Variants in GTF3C1 observed in about 807,000 individuals in gnomAD.
The protein encoded by GTF3C1 is general transcription factor 3C polypeptide 1.
Under a neutral mutation model 226.7 loss-of-function variants are expected in GTF3C1, and 57 were observed. That is an observed-to-expected ratio of 0.25 (90% CI 0.20 to 0.31). The LOEUF (loss-of-function observed/expected upper bound fraction) is 0.31. GTF3C1 is among the 10% of genes least tolerant of loss of function. GTF3C1 has a pLI of 1.00. For missense variants in GTF3C1, 2,217 were observed against 2,776.1 expected (o/e 0.80, Z 4.53); for synonymous variants, 1,090 against 1,084.8 (o/e 1.00, Z -0.09).
intron 4 of GTF3C1, among the ~76,000 whole-genome samples, chr16:27,534,053 T>C (rs893482428): frequency 7.2e-5 from 11 of 152,180 alleles, no homozygotes; most frequent in African/African-American, 2.2e-4. Context: ...ATGGGGGTTA[T>C]TCTACAAAGT....
chr16:27,511,831 C>T lies in GTF3C1; in HGVS notation c.1044G>A (p.Glu348=), dbSNP rs1253802215. Residue 348 remains glutamate (E), a synonymous_variant, in exon 7 of 37, where the codon GAG becomes GAA. Coordinates refer to ENST00000356183, the MANE Select transcript of GTF3C1 (RefSeq NM_001520.4). The part of the protein sequence containing the change: ...EFKRNDHDDD[E]DEEVISKTVP... ...CTGTCTTGGAGATGACCTCCTCGTC[C>T]TCGTCATCATCATGGTCATTCCGTT... 6.2e-7 allele frequency: 1 copy of T among 1,614,168 alleles called. No individual in the cohort carries two copies. The highest frequency in any genetic ancestry group is 2.2e-5 in the East Asian group (1 of 44,880).
In GTF3C1 at chr16:27,489,024, C is replaced by T. The variant is rs374515252; in HGVS notation, c.3429+19G>A. 52 of 1,608,082 alleles carry T rather than the reference C, an allele frequency of 3.2e-5. No homozygotes were observed. In the Admixed American group the frequency reaches 3.7e-4, roughly 11 times the overall value. ...AGCGAGGACCCCTGAGATTGTAGTC[C>T]GGTGTGACGCACACCCACCTTTTTG... On this transcript the variant is annotated intron_variant, in intron 21 of 36. Coordinates refer to ENST00000356183, the MANE Select transcript of GTF3C1 (RefSeq NM_001520.4).
chr16:27,492,789 A>T lies in GTF3C1; in HGVS notation c.2877-76T>A, dbSNP rs1031210356. 12 of 845,138 alleles carry T rather than the reference A, an allele frequency of 1.4e-5. No individual in the cohort carries two copies. The highest frequency in any genetic ancestry group is 1.0e-4 in the African/African-American group (6 of 59,970). The allele number at this position is 845,138 out of a possible 1,614,324, so 52.4% of individuals were successfully genotyped here. On this transcript the variant is annotated intron_variant, in intron 17 of 36. Transcript: ENST00000356183. The surrounding 1 kb of genome is among the most constrained non-coding windows in gnomAD (Gnocchi z 5.0). The stretch of plus-strand genomic sequence containing the variant: ...GCCGCAGGGGTCTGCATGTGGGGTG[A>T]GGGGTGCGACTTCCTTCTTCTCTTT...
rs2088132561 is a variant in GTF3C1, at chr16:27,486,008, G to A, written c.3847C>T (p.Leu1283Phe). 6.2e-7 allele frequency: 1 copy of A among 1,608,614 alleles called. No homozygotes were observed. The highest frequency in any genetic ancestry group is 1.7e-4 in the Middle Eastern group (1 of 6,042). The change falls in exon 24 of 37, where the codon CTC becomes TTC. Residue 1283 changes from leucine to phenylalanine, a missense_variant. Leu to Phe is a conservative substitution (Grantham distance 22). Coordinates refer to ENST00000356183, the MANE Select transcript of GTF3C1 (RefSeq NM_001520.4). The part of the protein sequence containing the change: ...LVLCRIASNV[L>F]NTKVKGPFVT... ...GGGCTGGTTGGTACCTTGGTGTTGAGGACATTGCTGGCAATGCGGCACAGC... is the reference window on the plus strand; with the variant it reads ...GGGCTGGTTGGTACCTTGGTGTTGAAGACATTGCTGGCAATGCGGCACAGC...
In GTF3C1 at chr16:27,484,226, G is replaced by C; in HGVS notation, c.3986C>G (p.Ala1329Gly). 3 of 1,607,414 alleles carry C rather than the reference G, an allele frequency of 1.9e-6. No homozygotes were observed. Among genetic ancestry groups the C allele is most frequent in the Non-Finnish European group, 2.6e-6 (3 of 1,173,886 alleles). Residue 1329 changes from alanine to glycine, a missense_variant, in exon 25 of 37, where the codon GCC (alanine) becomes GGC (glycine). Ala to Gly is a moderately conservative substitution (Grantham distance 60). Coordinates refer to ENST00000356183, the MANE Select transcript of GTF3C1 (RefSeq NM_001520.4). The part of the protein sequence containing the change: ...RARYIVKNPQ[A>G]YLNYKVCLAE... ...TGAGGCTTACTTATAGTTGAGATAG[G>C]CCTGTGGGTTTTTGACTATGTAGCG...
rs150144958 is a variant in GTF3C1, at chr16:27,538,304, A to G, written c.484T>C (p.Leu162=). The change falls in exon 3 of 37, where the codon TTG becomes CTG. Residue 162 remains leucine, a synonymous_variant. Transcript: ENST00000356183. ...VASQAMRYRA[L]IGQEGDPDLK... ...TCGGGATCCCCCTCCTGGCCTATCA[A>G]GGCCCTGTACCGCATGGCCTGGGAG... is the stretch of plus-strand genomic sequence containing the variant. 333 of 1,609,070 alleles carry G rather than the reference A, an allele frequency of 2.1e-4. No individual in the cohort carries two copies. The African/African-American group carries it at 4.0e-3, about 19-fold the overall frequency.
At chr16:27,472,092 C>T (rs1266398429) in intron 29 of GTF3C1, among the ~76,000 whole-genome samples, 172 bp from the exon 30 acceptor site, 1 of 151,990 alleles carries the variant, frequency 6.6e-6, no homozygotes, top group Non-Finnish European at 1.5e-5. Context: ...GTGTGTGTAT[C>T]AGGGGGAGGG....
intron 12 of GTF3C1, among the ~76,000 whole-genome samples, chr16:27,499,489 G>C (rs76326430): frequency 0.019 from 2,905 of 152,292 alleles, 103 homozygotes; most frequent in African/African-American, 0.066. Context: ...AGCAAGGTCA[G>C]GCTGTCTGAG....
intron 6 of GTF3C1, among the ~76,000 whole-genome samples, chr16:27,512,898 T>C (rs1181311786): frequency 6.6e-6 from 1 of 152,196 alleles, no homozygotes; most frequent in Non-Finnish European, 1.5e-5. Context: ...AATGACTCAG[T>C]CACGGTCATA....
Position 27,545,335 on chromosome 16 carries a change from G to A in GTF3C1, c.410C>T (p.Thr137Ile). ...TTACCTGTCAAAGGCTTCCACCATT[G>A]TACAGCGAGGCTGCAAGGACTTGGT... ...IRTKSLQPRCTMVEAFDRWGK... is the reference protein window; with the variant it reads ...IRTKSLQPRCIMVEAFDRWGK... The change falls in exon 2 of 37, where the codon ACA becomes ATA. Residue 137 changes from threonine (T) to isoleucine (I), a missense_variant. Coordinates refer to ENST00000356183, the MANE Select transcript of GTF3C1 (RefSeq NM_001520.4). The A allele has an allele frequency of 6.2e-7, 1 of 1,613,074 alleles. No homozygotes were observed. The highest frequency in any genetic ancestry group is 8.5e-7 in the Non-Finnish European group (1 of 1,179,032).
intron 7 of GTF3C1, among the ~76,000 whole-genome samples, chr16:27,510,064 C>T (rs927558643): frequency 6.6e-6 from 1 of 152,156 alleles, no homozygotes; most frequent in Non-Finnish European, 1.5e-5. Flanking sequence ...ACCTGACCAG[C>T]ATGATGAAAC....
intron 6 of GTF3C1, among the ~76,000 whole-genome samples, chr16:27,514,272 C>A (rs908863644): frequency 6.6e-6 from 1 of 152,248 alleles, no homozygotes; most frequent in Non-Finnish European, 1.5e-5. Flanking sequence ...TCCTGCCGTC[C>A]CTCTTGGCTC....
intron 4 of GTF3C1, among the ~76,000 whole-genome samples, chr16:27,534,247 T>A (rs2088965665): frequency 6.6e-6 from 1 of 152,206 alleles, no homozygotes; most frequent in African/African-American, 2.4e-5. Flanking sequence ...TGATCAATGC[T>A]TCCAAGCTAA....
Position 27,492,621 on chromosome 16 carries a change from T to A in GTF3C1, c.2969A>T (p.Asp990Val). 2 of 1,586,148 alleles carry A rather than the reference T, an allele frequency of 1.3e-6. No individual in the cohort carries two copies. Among genetic ancestry groups the A allele is most frequent in the Non-Finnish European group, 8.7e-7 (1 of 1,154,528 alleles). The change falls in exon 18 of 37, where the codon GAT (aspartate) becomes GTT (valine). Residue 990 changes from aspartate (D) to valine (V), a missense_variant. This residue lies in a region of GTF3C1 where 353 missense variants were observed against 411.7 expected (regional missense o/e 0.86). Coordinates refer to ENST00000356183, the MANE Select transcript of GTF3C1 (RefSeq NM_001520.4). This position sits in a 1 kb window ranked among gnomAD's most constrained non-coding sequence, Gnocchi z 5.0. ...FGPTEKFQDK[D>V]QVFIFLKKNA... ...TTTGGGCTTGAGGGACATTACCTGA[T>A]CTTTATCCTGAAACTTTTCCGTGGG... is the stretch of plus-strand genomic sequence containing the variant.
At chr16:27,539,738 T>C (rs2089054547) in intron 2 of GTF3C1, among the ~76,000 whole-genome samples, 1 of 152,236 alleles carries the variant, frequency 6.6e-6, no homozygotes, top group Non-Finnish European at 1.5e-5. Flanking sequence ...ATGACAGTTC[T>C]GTTCTGCCCT....
At chr16:27,486,750 C>G (rs886770874) in intron 23 of GTF3C1, among the ~76,000 whole-genome samples, 3 of 152,220 alleles carry the variant, frequency 2.0e-5, no homozygotes, top group African/African-American at 7.2e-5. Flanking sequence ...ACAGCACCAC[C>G]ACCACCAAAA....
chr16:27,523,135 C>T (rs75318742), intron 6 of GTF3C1, among the ~76,000 whole-genome samples: 329 of 152,212 alleles, frequency 2.2e-3, no homozygotes, highest in African/African-American at 7.5e-3. Flanking sequence ...GATCATTTTC[C>T]GACAGACTGC....
intron 2 of GTF3C1, among the ~76,000 whole-genome samples, chr16:27,538,776 C>A (rs1348752242): frequency 1.3e-5 from 2 of 152,124 alleles, no homozygotes; most frequent in African/African-American, 2.4e-5. Flanking sequence ...GCTGCCCTTG[C>A]TGTTTCCTCG....
chr16:27,486,225 C>T (rs1365979376), intron 23 of GTF3C1, 71 bp from the exon 24 acceptor site: 5 of 836,628 alleles, frequency 6.0e-6, no homozygotes, highest in Non-Finnish European at 7.8e-6. Flanking sequence ...TGCAGAGGGG[C>T]AGGTTCCCTA....
Sources: allele counts gnomAD v4.1 joint callset (sites outside exome capture counted in the v4.1 genomes callset), GRCh38; gene constraint gnomAD v4.1.1; regional missense constraint gnomAD v4.1.1; non-coding constraint Gnocchi (gnomAD v3.1); transcripts MANE v1.5; gene names NCBI Gene and HGNC (gene_info 2026-07-23, HGNC 2026-07-21).